Variants in SLC6A20 observed in about 807,000 individuals in gnomAD.
SLC6A20 encodes the protein sodium- and chloride-dependent transporter XTRP3.
Under a neutral mutation model 64.3 loss-of-function variants are expected in SLC6A20, and 73 were observed. That is an observed-to-expected ratio of 1.14 (90% confidence interval 0.94 to 1.38). SLC6A20 has a LOEUF of 1.38. SLC6A20 is among the 40% of genes most tolerant of loss of function. The probability of loss-of-function intolerance (pLI) is 0.00; values close to 1 mark genes in which losing one functional copy is unlikely to be tolerated. For synonymous variants in SLC6A20, 347 were observed against 329.6 expected (o/e 1.05, Z -0.57); for missense variants, 725 against 772.8 (o/e 0.94, Z 0.73).
At chr3:45,786,810 T>C (rs889833194) in intron 1 of SLC6A20, among the ~76,000 whole-genome samples, 2 of 152,214 alleles carry the variant, frequency 1.3e-5, no homozygotes, top group East Asian at 1.9e-4. Flanking sequence ...TGGTTTGTTA[T>C]GAATAAATAG....
At position 45,760,018 on chromosome 3, in the gene SLC6A20, C is replaced by A; in HGVS notation, c.1468G>T (p.Glu490Ter). The A allele has an allele frequency of 1.2e-6, 2 of 1,606,958 alleles. No homozygotes were observed. Among genetic ancestry groups the A allele is most frequent in the South Asian group, 2.2e-5 (2 of 90,044 alleles). Residue 490 changes from glutamate (E) to a stop codon, truncating the protein, a stop_gained, in exon 10 of 11, where the codon GAA becomes TAA. Coordinates refer to ENST00000358525, the MANE Select transcript of SLC6A20 (RefSeq NM_020208.4). LOFTEE classifies it high-confidence loss of function. ...VCYVYGLRRF[E>*]SDLKAMTGRA... ...CCGGTCATGGCCTTAAGGTCACTTTCAAATCTATTTGGAAAACAGGGAGAG... is the reference window on the plus strand; with the variant it reads ...CCGGTCATGGCCTTAAGGTCACTTTAAAATCTATTTGGAAAACAGGGAGAG...
In SLC6A20 at chr3:45,771,423, A is replaced by G. The variant is rs1415256309; in HGVS notation, c.729T>C (p.Asn243=). The stretch of plus-strand genomic sequence containing the variant: ...GTGAGAAGAAGATCTGGGTGGCTGC[A>G]TTGATCCAGGCCTTGGGGTTGGCCA... ...EQLANPKAWI[N]AATQIFFSLG... is the part of the protein sequence containing the mutation. Residue 243 remains asparagine (N), a synonymous_variant, in exon 6 of 11, where the codon AAT becomes AAC. Transcript: ENST00000358525. 1.2e-6 allele frequency: 2 copies of G among 1,614,124 alleles called. No individual in the cohort carries two copies. The highest frequency in any genetic ancestry group is 2.2e-5 in the East Asian group (1 of 44,896).
At chr3:45,779,861 T>C (rs1339990779) in intron 3 of SLC6A20, 148 bp downstream of exon 3, 5 of 805,794 alleles carry the variant, frequency 6.2e-6, no homozygotes, top group Non-Finnish European at 9.7e-6. Flanking sequence ...TTGGGGTGCA[T>C]GGCTTCCCCT....
At chr3:45,776,038 A>G in intron 3 of SLC6A20, 50 bp from the exon 4 acceptor site, 1 of 1,566,642 alleles carries the variant, frequency 6.4e-7, no homozygotes, top group African/African-American at 1.3e-5. Flanking sequence ...CTGAGGACAA[A>G]GGCTGTGGCA....
chr3:45,764,793 AG>A (rs1699748121), intron 8 of SLC6A20, among the ~76,000 whole-genome samples: 1 of 151,538 alleles, frequency 6.6e-6, no homozygotes, highest in Non-Finnish European at 1.5e-5. Flanking sequence ...CTGCCTGGGA[AG>A]GGGTGTGAAG....
chr3:45,758,371 G>C lies in SLC6A20; in HGVS notation c.*607C>G. The C allele has an allele frequency of 8.1e-7, 1 of 1,239,082 alleles. No homozygotes were observed. Among genetic ancestry groups the C allele is most frequent in the South Asian group, 1.3e-5 (1 of 78,510 alleles). 76.8% of individuals were successfully genotyped at this position (1,239,082 alleles called of 1,614,324 possible). On this transcript the variant is annotated 3_prime_UTR_variant, in exon 11 of 11. Transcript: ENST00000358525. Reference sequence around the variant, plus strand: ...ATTTTTTGTAGAGAGGTCTGGTCCTGGACCCACCGTCAGAGACCTTAGAGA... The same window carrying C: ...ATTTTTTGTAGAGAGGTCTGGTCCTCGACCCACCGTCAGAGACCTTAGAGA...
intron 1 of SLC6A20, among the ~76,000 whole-genome samples, chr3:45,792,426 A>G (rs1211734431): frequency 6.6e-6 from 1 of 152,200 alleles, no homozygotes; most frequent in Non-Finnish European, 1.5e-5. Flanking sequence ...TGTGAAGACC[A>G]AATTGAATTC....
intron 8 of SLC6A20, among the ~76,000 whole-genome samples, chr3:45,763,453 C>A (rs1699721020): frequency 6.6e-6 from 1 of 152,148 alleles, no homozygotes; most frequent in Non-Finnish European, 1.5e-5. Flanking sequence ...CCCTGGAGCT[C>A]ATGAGAAATG....
chr3:45,794,502 C>T (rs1700314505), intron 1 of SLC6A20, among the ~76,000 whole-genome samples: 1 of 152,178 alleles, frequency 6.6e-6, no homozygotes, highest in South Asian at 2.1e-4. Context: ...TCTATCCACC[C>T]ATCCAGCCGA....
chr3:45,762,065 GAGC>G (rs1275537782), intron 9 of SLC6A20, among the ~76,000 whole-genome samples: 1 of 152,192 alleles, frequency 6.6e-6, no homozygotes, highest in African/African-American at 2.4e-5. Context: ...GCACCCACTA[GAGC>G]AGCGCTGCCC....
At chr3:45,763,420 C>T (rs542101302) in intron 8 of SLC6A20, among the ~76,000 whole-genome samples, 5 of 152,310 alleles carry the variant, frequency 3.3e-5, no homozygotes, top group South Asian at 4.1e-4. Flanking sequence ...TTATAACCCC[C>T]GCTGTTTATC....
intron 4 of SLC6A20, among the ~76,000 whole-genome samples, chr3:45,774,523 C>T (rs1699932472): frequency 6.6e-6 from 1 of 152,228 alleles, no homozygotes; most frequent in Non-Finnish European, 1.5e-5. Flanking sequence ...TTTCCTCAGC[C>T]ATGGCACAGG....
At chr3:45,790,427 A>C (rs1173481210) in intron 1 of SLC6A20, 1 of 152,114 alleles carries the variant, frequency 6.6e-6, no homozygotes, top group Non-Finnish European at 1.5e-5. Context: ...CTATTCTGTG[A>C]GACTCTCCAC....
At chr3:45,770,150 C>G in intron 7 of SLC6A20, 59 bp downstream of exon 7, 3 of 1,599,726 alleles carry the variant, frequency 1.9e-6, no homozygotes, top group Middle Eastern at 1.7e-4. Flanking sequence ...AGCAGCTCAC[C>G]AAGGTTCCCA....
Position 45,771,363 on chromosome 3 carries a change from G to T in SLC6A20, c.789C>A (p.Ala263=). The T allele has an allele frequency of 6.2e-7, 1 of 1,614,248 alleles. No individual in the cohort carries two copies. The highest frequency in any genetic ancestry group is 2.2e-5 in the East Asian group (1 of 44,884). Residue 263 remains alanine (A), a synonymous_variant, in exon 6 of 11, where the codon GCC becomes GCA. Coordinates refer to ENST00000358525, the MANE Select transcript of SLC6A20 (RefSeq NM_020208.4). ...AGTTGTTGGATGGCTCATTGTAGCTGGCGAAGGCGATCAGGCTGCCGAAGC... is the reference window on the plus strand; with the variant it reads ...AGTTGTTGGATGGCTCATTGTAGCTTGCGAAGGCGATCAGGCTGCCGAAGC... ...GLGFGSLIAF[A]SYNEPSNNCQ...
At chr3:45,796,128 C>G (rs1036161420) in intron 1 of SLC6A20, among the ~76,000 whole-genome samples, 171 bp downstream of exon 1, 4 of 152,186 alleles carry the variant, frequency 2.6e-5, no homozygotes, top group Admixed American at 2.6e-4. Context: ...AGAGCTCCGG[C>G]TCCGGAACGA....
chr3:45,769,533 G>A (rs1699825670), intron 7 of SLC6A20, among the ~76,000 whole-genome samples: 1 of 128,970 alleles, frequency 7.8e-6, no homozygotes, highest in Admixed American at 7.8e-5. Flanking sequence ...TTGCAGTATT[G>A]TTGTGTGATG....
At chr3:45,777,452 T>G (rs1430375138) in intron 3 of SLC6A20, among the ~76,000 whole-genome samples, 1 of 152,188 alleles carries the variant, frequency 6.6e-6, no homozygotes, top group African/African-American at 2.4e-5. Context: ...CATCCAGAAG[T>G]GGTGTCTCTT....
intron 3 of SLC6A20, among the ~76,000 whole-genome samples, chr3:45,777,234 C>T (rs976349531): frequency 6.6e-6 from 1 of 152,214 alleles, no homozygotes; most frequent in African/African-American, 2.4e-5. Flanking sequence ...GTCATGGCTA[C>T]TGTGCCAGTA....
Sources: gnomAD v4.1 joint callset for allele counts (sites outside exome capture counted in the v4.1 genomes callset) on GRCh38, gnomAD v4.1.1 for gene constraint, MANE v1.5 for transcripts, NCBI Gene and HGNC (gene_info 2026-07-23, HGNC 2026-07-21) for gene names.